Variants in MCF2L observed in about 807,000 individuals in gnomAD.
MCF2L encodes MCF.2 cell line derived transforming sequence like.
Under a neutral mutation model 153.4 loss-of-function variants are expected in MCF2L, and 97 were observed. The observed-to-expected ratio is 0.63, with a 90% confidence interval of 0.54 to 0.75. The LOEUF (loss-of-function observed/expected upper bound fraction) is 0.75. Among genes scored for constraint, MCF2L ranks in the 30% least tolerant of loss-of-function variants. The probability of loss-of-function intolerance (pLI) is 0.00; values close to 1 mark genes in which losing one functional copy is unlikely to be tolerated. For missense variants in MCF2L, 1,347 were observed against 1,495.2 expected (o/e 0.90, Z 1.64); for synonymous variants, 659 against 632.2 (o/e 1.04, Z -0.64).
Position 112,904,976 on chromosome 13 carries a change from C to G in MCF2L, c.169+2605C>G, listed in dbSNP as rs1263520091. ...TTAACTACTGTCAAGTGTAGAGTTC[C>G]CTGGTATGAAATATACTCACACTGT... On this transcript the variant is annotated intron_variant, in intron 2 of 29. Transcript: ENST00000375608. This position sits in a 1 kb window ranked among gnomAD's most constrained non-coding sequence, Gnocchi z 4.2. Among the ~76,000 whole-genome samples the G allele has an allele frequency of 6.6e-6, 1 of 152,156 alleles. No homozygotes were observed. Among genetic ancestry groups the G allele is most frequent in the Non-Finnish European group, 1.5e-5 (1 of 68,028 alleles).
Position 113,028,062 on chromosome 13 carries a change from G to T in MCF2L, c.278+3304G>T, listed in dbSNP as rs1371592139. Among the ~76,000 whole-genome samples the T allele has an allele frequency of 6.6e-6, 1 of 152,204 alleles. No homozygotes were observed. Among genetic ancestry groups the T allele is most frequent in the African/African-American group, 2.4e-5 (1 of 41,458 alleles). ...TTCTGTGGTGTCCACACTGAATGCT[G>T]ACTGGTCAGACTCATGCTCAGAAAT... is the stretch of plus-strand genomic sequence containing the variant. On this transcript the variant is annotated intron_variant, in intron 3 of 29. Coordinates refer to ENST00000535094, the MANE Select transcript of MCF2L (RefSeq NM_001112732.3). The surrounding 1 kb of genome is among the most constrained non-coding windows in gnomAD (Gnocchi z 5.4).
intron 1 of MCF2L, among the ~76,000 whole-genome samples, chr13:113,005,147 G>A (rs1197523674): frequency 6.6e-6 from 1 of 152,228 alleles, no homozygotes; most frequent in Non-Finnish European, 1.5e-5. Flanking sequence ...GTGCTGCTGG[G>A]TCTTTGTTAG....
rs1043020162 is a variant in MCF2L at position 112,987,049 on chromosome 13, G to A, written c.79+17591G>A. Among the ~76,000 whole-genome samples, 7 of 152,212 alleles carry A rather than the reference G, an allele frequency of 4.6e-5. No individual in the cohort carries two copies. The East Asian group carries it at 1.3e-3, about 29-fold the overall frequency. ...GAGGTCGCGGGGCCACAGCCACCCT[G>A]GGCTGCCGCATTTCCATCTCGGTGG... On this transcript the variant is annotated intron_variant, in intron 1 of 29. Coordinates refer to ENST00000535094, the MANE Select transcript of MCF2L (RefSeq NM_001112732.3).
rs146407914 is a variant in MCF2L, at chr13:113,001,837, T to C, written c.80-12926T>C. 7.8e-4 allele frequency: 1,176 copies of C among 1,508,312 alleles called. 21 individuals are homozygous for C. In the East Asian group the frequency reaches 0.02, roughly 26 times the overall value. The allele number at this position is 1,508,312 out of a possible 1,614,324, so 93.4% of individuals were successfully genotyped here. A position where few individuals can be genotyped will look rare whatever the true frequency, so the allele number is the denominator to read the frequency against. ...TTCGCGGCCAAGATGGTGCTGGTGCTGCGCCATCCTTTGTGTGCCCGGGAA... is the reference window on the plus strand; with the variant it reads ...TTCGCGGCCAAGATGGTGCTGGTGCCGCGCCATCCTTTGTGTGCCCGGGAA... On this transcript the variant is annotated intron_variant, in intron 1 of 29. Transcript: ENST00000535094.
In MCF2L at chr13:113,083,777, C is replaced by T. The variant is rs528603233; in HGVS notation, c.1992-221C>T. ...GCTCCCTCCAACTTCTGTGTGCAGC[C>T]AAGGCCAGAAATATAAAGAGACTCA... On this transcript the variant is annotated intron_variant, in intron 17 of 29. Transcript: ENST00000535094. Among the ~76,000 whole-genome samples the T allele has an allele frequency of 5.3e-5, 8 of 152,338 alleles. No homozygotes were observed. In the East Asian group the frequency reaches 1.5e-3, roughly 29 times the overall value.
intron 5 of MCF2L, 74 bp downstream of exon 5, chr13:113,060,786 G>A (rs1412940858): frequency 3.1e-5 from 49 of 1,574,866 alleles, no homozygotes; most frequent in Non-Finnish European, 3.7e-5. Context: ...TGTGATCATC[G>A]AAATCCTCGA....
intron 2 of MCF2L, among the ~76,000 whole-genome samples, chr13:112,908,425 T>C (rs374526034): frequency 1.9e-4 from 29 of 152,354 alleles, no homozygotes; most frequent in African/African-American, 6.3e-4. Flanking sequence ...GTAACTGTTC[T>C]GAGCTGCTGG....
At chr13:112,920,704 G>C (rs1468584114) in intron 2 of MCF2L, among the ~76,000 whole-genome samples, 2 of 138,694 alleles carry the variant, frequency 1.4e-5, no homozygotes, top group Non-Finnish European at 3.1e-5. Flanking sequence ...TTGTGGGTGG[G>C]TGCTGGTGGT....
chr13:112,909,543 TA>T (rs1188739247), intron 2 of MCF2L: 2 of 489,190 alleles, frequency 4.1e-6, no homozygotes, highest in Non-Finnish European at 7.3e-6. Context: ...TGGATGCAGG[TA>T]GTGCTCAGTG....
At chr13:112,988,758 GGGATGGAGCT>G (rs1385804900) in intron 1 of MCF2L, among the ~76,000 whole-genome samples, 17 of 142,428 alleles carry the variant, frequency 1.2e-4, no homozygotes, top group African/African-American at 7.9e-5. Context: ...CCCTGAGCAG[GGGATGGAGCT>G]ACCATGCCCG....
intron 3 of MCF2L, among the ~76,000 whole-genome samples, chr13:113,030,371 A>C (rs558708029): frequency 1.6e-3 from 190 of 121,838 alleles, no homozygotes; most frequent in African/African-American, 5.9e-3. Context: ...CCGCTGACGC[A>C]GGTGTGGGCC....
intron 1 of MCF2L, among the ~76,000 whole-genome samples, chr13:112,973,782 G>A (rs2082129650): frequency 6.6e-6 from 1 of 152,326 alleles, no homozygotes; most frequent in African/African-American, 2.4e-5. Context: ...GTGGCTCCAG[G>A]GGCTGGCGCT....
At chr13:112,895,728 G>C (rs2081060919) in intron 1 of MCF2L, among the ~76,000 whole-genome samples, 5 of 152,108 alleles carry the variant, frequency 3.3e-5, no homozygotes, top group Admixed American at 3.3e-4. Context: ...AGGAGACCCG[G>C]GTTTTAAGGC....
Position 113,074,694 on chromosome 13 carries a change from G to T in MCF2L, c.1116+131G>T. On this transcript the variant is annotated intron_variant, in intron 10 of 29. Coordinates refer to ENST00000535094, the MANE Select transcript of MCF2L (RefSeq NM_001112732.3). The surrounding 1 kb of genome is among the most constrained non-coding windows in gnomAD (Gnocchi z 4.2). ...CACAGCCCCCCGGGGATGTCCATGG[G>T]GTGGGGGGTGCTGCTGCCTGTACCC... 1 of 1,362,704 alleles carries T rather than the reference G, an allele frequency of 7.3e-7. No homozygotes were observed. The highest frequency in any genetic ancestry group is 1.0e-6 in the Non-Finnish European group (1 of 1,002,720). The allele number at this position is 1,362,704 out of a possible 1,614,324, so 84.4% of individuals were successfully genotyped here.
chr13:112,964,160 C>T (rs1222623809), intron 2 of MCF2L, among the ~76,000 whole-genome samples: 1 of 152,204 alleles, frequency 6.6e-6, no homozygotes, highest in Non-Finnish European at 1.5e-5. Context: ...CTCGGATGGC[C>T]CCTGCCCACA....
chr13:113,078,239 C>T, intron 13 of MCF2L, 124 bp from the exon 14 acceptor site: 1 of 771,732 alleles, frequency 1.3e-6, no homozygotes, highest in Non-Finnish European at 2.2e-6. Context: ...CCTGCCCACG[C>T]CACCACCTGT....
chr13:112,911,591 C>G (rs1417340517), intron 2 of MCF2L, among the ~76,000 whole-genome samples: 1 of 152,358 alleles, frequency 6.6e-6, no homozygotes, highest in East Asian at 1.9e-4. Flanking sequence ...ACCCAAGCCC[C>G]TGCTGTGGTC....
chr13:112,931,576 C>T (rs2081464100), intron 2 of MCF2L, among the ~76,000 whole-genome samples: 1 of 152,162 alleles, frequency 6.6e-6, no homozygotes, highest in South Asian at 2.1e-4. Flanking sequence ...ACACGCCTGC[C>T]TCTCCTCACC....
At chr13:112,971,694 A>G (rs2140827964) in intron 1 of MCF2L, among the ~76,000 whole-genome samples, 1 of 152,318 alleles carries the variant, frequency 6.6e-6, no homozygotes, top group Non-Finnish European at 1.5e-5. Flanking sequence ...TGGTCTGTGA[A>G]TCTGTAGCCT....
Sources: allele counts gnomAD v4.1 joint callset (sites outside exome capture counted in the v4.1 genomes callset), GRCh38; gene constraint gnomAD v4.1.1; non-coding constraint Gnocchi (gnomAD v3.1); transcripts MANE v1.5; gene names NCBI Gene and HGNC (gene_info 2026-07-23, HGNC 2026-07-21).